The following LRRC4C variants were observed in gnomAD, a reference collection of about 807,000 sequenced individuals.
LRRC4C encodes the protein leucine-rich repeat-containing protein 4C.
A neutral mutation model predicts 33.6 loss-of-function variants in LRRC4C; 5 were observed. That is an observed-to-expected ratio of 0.15 (90% CI 0.08 to 0.31). LRRC4C has a LOEUF of 0.31. LRRC4C is among the 10% of genes least tolerant of loss of function. The probability of loss-of-function intolerance (pLI) is 1.00; values close to 1 mark genes in which losing one functional copy is unlikely to be tolerated. For missense variants in LRRC4C, 560 were observed against 796.7 expected, an observed-to-expected ratio of 0.70 and a Z score of 3.58; for synonymous variants, 329 against 302.0, an observed-to-expected ratio of 1.09 and a Z score of -0.93.
intron 3 of LRRC4C, among the ~76,000 whole-genome samples, chr11:40,599,439 C>T (rs1959742685): frequency 6.6e-6 from 1 of 152,120 alleles, no homozygotes; most frequent in South Asian, 2.1e-4. Context: ...CAGAGCGAGA[C>T]CCTGTCTGAA....
intron 1 of LRRC4C, among the ~76,000 whole-genome samples, chr11:41,455,773 A>G (rs559666058): frequency 6.6e-5 from 10 of 152,308 alleles, no homozygotes; most frequent in African/African-American, 2.2e-4. Flanking sequence ...AGTTAAGAAT[A>G]GTTATTTCCA....
chr11:40,524,915 T>C (rs1955976001), intron 3 of LRRC4C, among the ~76,000 whole-genome samples: 1 of 152,174 alleles, frequency 6.6e-6, no homozygotes, highest in Non-Finnish European at 1.5e-5. Flanking sequence ...TAGTTACTAC[T>C]ATGGTAGATT....
At chr11:41,382,153 T>C (rs974244407) in intron 1 of LRRC4C, among the ~76,000 whole-genome samples, 3 of 151,974 alleles carry the variant, frequency 2.0e-5, no homozygotes, top group Non-Finnish European at 2.9e-5. Context: ...AATCTATATA[T>C]AAATACTTTG....
chr11:40,803,042 C>A (rs185048954), intron 2 of LRRC4C, among the ~76,000 whole-genome samples: 30 of 152,242 alleles, frequency 2.0e-4, no homozygotes, highest in African/African-American at 6.7e-4. Flanking sequence ...AAATGGATCA[C>A]TATCTGCAAA....
At chr11:40,465,396 C>T (rs1326246279) in intron 3 of LRRC4C, among the ~76,000 whole-genome samples, 1 of 151,754 alleles carries the variant, frequency 6.6e-6, no homozygotes, top group Admixed American at 6.6e-5. Context: ...GGACATAGGG[C>T]TACATTAAGA....
intron 2 of LRRC4C, among the ~76,000 whole-genome samples, chr11:40,932,542 G>A (rs1957673304): frequency 6.6e-6 from 1 of 152,094 alleles, no homozygotes; most frequent in South Asian, 2.1e-4. Context: ...GGGAAATGGA[G>A]AAATGCAAAT....
chr11:41,118,919 C>A (rs1430489424), intron 1 of LRRC4C, among the ~76,000 whole-genome samples: 1 of 150,550 alleles, frequency 6.6e-6, no homozygotes, highest in Admixed American at 6.6e-5. Flanking sequence ...CTTTTTTTTT[C>A]AAAAAATAGT....
intron 3 of LRRC4C, among the ~76,000 whole-genome samples, chr11:40,372,536 C>G (rs1466552785): frequency 2.0e-5 from 3 of 152,186 alleles, no homozygotes; most frequent in African/African-American, 7.2e-5. Context: ...CTTAATACAT[C>G]AGCGAATTCT....
intron 3 of LRRC4C, among the ~76,000 whole-genome samples, chr11:40,610,414 C>G (rs1365456615): frequency 6.6e-6 from 1 of 151,728 alleles, no homozygotes; most frequent in Non-Finnish European, 1.5e-5. Context: ...TAACCTCATA[C>G]TCAATAGTAT....
chr11:40,924,033 C>G (rs751268176), intron 2 of LRRC4C, among the ~76,000 whole-genome samples: 1 of 151,390 alleles, frequency 6.6e-6, no homozygotes, highest in African/African-American at 2.4e-5. Flanking sequence ...AGTCATTCCA[C>G]GAATTCAGGG....
At chr11:40,704,533 T>C (rs931133534) in intron 2 of LRRC4C, among the ~76,000 whole-genome samples, 1 of 152,130 alleles carries the variant, frequency 6.6e-6, no homozygotes, top group Non-Finnish European at 1.5e-5. Flanking sequence ...TAACTCTGCA[T>C]AGACTGTAGT....
At chr11:40,420,742 T>C (rs1484181749) in intron 3 of LRRC4C, among the ~76,000 whole-genome samples, 1 of 152,150 alleles carries the variant, frequency 6.6e-6, no homozygotes, top group African/African-American at 2.4e-5. Context: ...TGCCAGCTCA[T>C]GAGTGTTGGA....
intron 2 of LRRC4C, among the ~76,000 whole-genome samples, chr11:40,785,536 A>T (rs1206121609): frequency 6.6e-6 from 1 of 152,128 alleles, no homozygotes; most frequent in African/African-American, 2.4e-5. Context: ...TGCAATTCAA[A>T]ATGTTTTCTT....
chr11:41,309,557 C>A (rs1024897398), intron 1 of LRRC4C, among the ~76,000 whole-genome samples: 2 of 152,182 alleles, frequency 1.3e-5, no homozygotes, highest in African/African-American at 4.8e-5. Flanking sequence ...ACAGTTCACC[C>A]TCTCTCCCAC....
intron 6 of LRRC4C, among the ~76,000 whole-genome samples, chr11:40,119,873 A>G (rs948994767): frequency 1.3e-5 from 2 of 151,942 alleles, no homozygotes; most frequent in African/African-American, 4.8e-5. Context: ...TAACACTCAC[A>G]CCACCATTCC....
At chr11:40,285,044 C>T (rs1274322905) in intron 4 of LRRC4C, among the ~76,000 whole-genome samples, 4 of 152,100 alleles carry the variant, frequency 2.6e-5, no homozygotes. Context: ...TTAATAAAAA[C>T]AGTAGTAACC....
intron 1 of LRRC4C, among the ~76,000 whole-genome samples, chr11:41,101,260 G>A (rs1364715436): frequency 1.3e-5 from 2 of 151,994 alleles, no homozygotes; most frequent in East Asian, 3.9e-4. Context: ...TCTGACAAAG[G>A]TCTAATATGT....
At chr11:41,183,344 A>G (rs1451178034) in intron 1 of LRRC4C, among the ~76,000 whole-genome samples, 2 of 152,156 alleles carry the variant, frequency 1.3e-5, no homozygotes, top group Non-Finnish European at 2.9e-5. Context: ...ATCAAAAGCA[A>G]GTACATTGTA....
intron 3 of LRRC4C, among the ~76,000 whole-genome samples, chr11:40,436,097 C>T (rs1013323591): frequency 6.6e-6 from 1 of 152,162 alleles, no homozygotes; most frequent in African/African-American, 2.4e-5. Context: ...CTTTCCATTA[C>T]AACTGTGGAA....
Sources: gnomAD v4.1 joint callset for allele counts (sites outside exome capture counted in the v4.1 genomes callset) on GRCh38, gnomAD v4.1.1 for gene constraint, MANE v1.5 for transcripts, NCBI Gene and HGNC (gene_info 2026-07-23, HGNC 2026-07-21) for gene names.